RFFL: variants seen among roughly 807,000 people sequenced by gnomAD.
RFFL encodes the protein ring finger and FYVE like domain containing E3 ubiquitin protein ligase.
Under a neutral mutation model 40.4 loss-of-function variants are expected in RFFL, and 16 were observed. The observed-to-expected ratio is 0.40, with a 90% CI of 0.27 to 0.60. The LOEUF (loss-of-function observed/expected upper bound fraction) is 0.60, where lower values mean the gene tolerates loss of function less well. Among genes scored for constraint, RFFL ranks in the 20% least tolerant of loss-of-function variants. RFFL has a pLI of 0.47. For missense variants in RFFL, 367 were observed against 451.7 expected (o/e 0.81, Z 1.70); for synonymous variants, 154 against 167.9 (o/e 0.92, Z 0.64).
Position 35,021,443 on chromosome 17 carries a change from G to A in RFFL, c.519C>T (p.Thr173=). The A allele has an allele frequency of 6.5e-7, 1 of 1,547,746 alleles. No homozygotes were observed. The highest frequency in any genetic ancestry group is 8.7e-7 in the Non-Finnish European group (1 of 1,149,998). ...CAGATGAAGAGGGGAGGTTGGGTGA[G>A]GTAGGTGGAACCATGCTGGAGTGAG... The part of the protein sequence containing the change: ...TQPHSSMVPP[T]SPNLPSSSAQ... Residue 173 remains threonine, a synonymous_variant, in exon 3 of 7, where the codon ACC becomes ACT. Transcript: ENST00000394597.
chr17:35,031,851 T>A (rs1254587723), intron 1 of RFFL, among the ~76,000 whole-genome samples: 2 of 151,936 alleles, frequency 1.3e-5, no homozygotes, highest in African/African-American at 4.8e-5. Context: ...ATCCCAGCAC[T>A]TTGGCAGGCC....
At chr17:35,044,576 T>C (rs556344973) in intron 1 of RFFL, among the ~76,000 whole-genome samples, 2 of 152,318 alleles carry the variant, frequency 1.3e-5, no homozygotes, top group Non-Finnish European at 2.9e-5. Context: ...ACTGCACCAC[T>C]GCAGTCCAGC....
upstream of RFFL, chr17:35,063,893 G>A (rs1435657713): frequency 6.6e-6 from 1 of 152,216 alleles, no homozygotes; most frequent in Non-Finnish European, 1.5e-5. Context: ...TAAATCAAGT[G>A]CTGATTACTG....
chr17:35,075,011 A>G (rs2091369120), intron 1 of RFFL, among the ~76,000 whole-genome samples: 1 of 152,234 alleles, frequency 6.6e-6, no homozygotes, highest in South Asian at 2.1e-4. Flanking sequence ...CAGTTTTATA[A>G]CATCTGTCAC....
intron 1 of RFFL, among the ~76,000 whole-genome samples, chr17:35,072,766 G>A (rs527976870): frequency 1.3e-5 from 2 of 152,126 alleles, no homozygotes; most frequent in Admixed American, 6.5e-5. Flanking sequence ...AAAAGTGGTC[G>A]GGCGTGGTGG....
chr17:35,063,521 T>C (rs1310613639), intron 1 of RFFL, 55 bp downstream of exon 1: 1 of 147,946 alleles, frequency 6.8e-6, no homozygotes, highest in African/African-American at 2.5e-5. Context: ...ATTTTCCCAG[T>C]TTCTAATGCA....
chr17:35,029,276 A>C (rs1247225154), intron 1 of RFFL, among the ~76,000 whole-genome samples: 2 of 151,354 alleles, frequency 1.3e-5, no homozygotes, highest in African/African-American at 4.9e-5. Flanking sequence ...AAAGTAAATG[A>C]GTTCTTTGCT....
chr17:35,014,714 A>G (rs1367406142), intron 6 of RFFL, 26 bp downstream of exon 6: 1 of 1,609,908 alleles, frequency 6.2e-7, no homozygotes, highest in Non-Finnish European at 8.5e-7. Context: ...GCCTAAGCCC[A>G]TTCCCAAACA....
At chr17:35,016,135 T>C (rs1217423210) in intron 5 of RFFL, among the ~76,000 whole-genome samples, 1 of 152,216 alleles carries the variant, frequency 6.6e-6, no homozygotes, top group Non-Finnish European at 1.5e-5. Context: ...AAAGGGGTGA[T>C]GCTAATAATG....
intron 1 of RFFL, among the ~76,000 whole-genome samples, chr17:35,071,941 GGT>G (rs1475934942): frequency 1.3e-5 from 2 of 151,738 alleles, no homozygotes; most frequent in Non-Finnish European, 2.9e-5. Context: ...AAAAATGCCG[GGT>G]TCAAGACCAG....
intron 1 of RFFL, among the ~76,000 whole-genome samples, chr17:35,027,462 C>A (rs899838433): frequency 2.6e-5 from 4 of 152,178 alleles, no homozygotes; most frequent in Admixed American, 6.5e-5. Flanking sequence ...CAGTGGCTCA[C>A]GCCTGTAATC....
chr17:35,086,414 T>A (rs188107017), intron 1 of RFFL, among the ~76,000 whole-genome samples: 1 of 151,574 alleles, frequency 6.6e-6, no homozygotes, highest in African/African-American at 2.4e-5. Context: ...GGAGGCAAGG[T>A]TGCATCGAGC....
At chr17:35,019,943 CA>C (rs758866627) in intron 3 of RFFL, among the ~76,000 whole-genome samples, 1 of 152,200 alleles carries the variant, frequency 6.6e-6, no homozygotes, top group Admixed American at 6.5e-5. Context: ...AGAGCTGAAT[CA>C]GGGGGCCCAG....
At chr17:35,018,494 T>G (rs2090988552) in intron 3 of RFFL, among the ~76,000 whole-genome samples, 1 of 152,164 alleles carries the variant, frequency 6.6e-6, no homozygotes, top group Non-Finnish European at 1.5e-5. Flanking sequence ...CACTGCTCCC[T>G]GCAGGCAAAG....
rs191684404 is a variant in RFFL at position 35,051,028 on chromosome 17, C to A, written c.-9+12548G>T. 1.8e-3 allele frequency among the ~76,000 whole-genome samples: 270 copies of A among 152,208 alleles called. 1 individual carries two copies. Among genetic ancestry groups the A allele is most frequent in the Middle Eastern group, 0.014 (4 of 294 alleles). On this transcript the variant is annotated intron_variant, in intron 1 of 6. Coordinates refer to ENST00000394597, the MANE Select transcript of RFFL (RefSeq NM_001017368.2). ...ATTGTGAATTATAGGCTAAAATTTC[C>A]CATTGTTATTTAAAAAAATAGCCAA...
chr17:35,020,753 T>G (rs932690236), intron 3 of RFFL, among the ~76,000 whole-genome samples: 2 of 152,144 alleles, frequency 1.3e-5, no homozygotes, highest in Non-Finnish European at 2.9e-5. Flanking sequence ...ATTACTCATT[T>G]CTATACTCCC....
intron 1 of RFFL, among the ~76,000 whole-genome samples, chr17:35,048,020 G>T (rs960814201): frequency 1.3e-5 from 2 of 151,962 alleles, no homozygotes; most frequent in South Asian, 4.1e-4. Context: ...CCACAGTGCT[G>T]GGATTATAGG....
At chr17:35,025,537 A>C (rs981183866) in intron 2 of RFFL, among the ~76,000 whole-genome samples, 1 of 152,244 alleles carries the variant, frequency 6.6e-6, no homozygotes, top group Non-Finnish European at 1.5e-5. Flanking sequence ...TAAATTCCTT[A>C]AACAGTCCTT....
At chr17:35,032,069 T>C (rs891229629) in intron 1 of RFFL, among the ~76,000 whole-genome samples, 3 of 136,620 alleles carry the variant, frequency 2.2e-5, no homozygotes, top group African/African-American at 8.4e-5. Context: ...CACTCCAGCC[T>C]GGGCGACAGA....
Sources: allele counts gnomAD v4.1 joint callset (sites outside exome capture counted in the v4.1 genomes callset), GRCh38; gene constraint gnomAD v4.1.1; transcripts MANE v1.5; gene names NCBI Gene and HGNC (gene_info 2026-07-23, HGNC 2026-07-21).